ABHD2: variants seen among roughly 807,000 people sequenced by gnomAD.
The protein encoded by ABHD2 is abhydrolase domain containing 2, acylglycerol lipase, also known as monoacylglycerol lipase ABHD2.
ABHD2 carries 20 observed loss-of-function variants against 48.1 expected under a neutral mutation model. That is an observed-to-expected ratio of 0.42 (90% CI 0.29 to 0.60). The LOEUF is 0.60. Among genes scored for constraint, ABHD2 ranks in the 20% least tolerant of loss-of-function variants. ABHD2 has a pLI of 0.24. For synonymous variants in ABHD2, 209 were observed against 214.2 expected (o/e 0.98, Z 0.21); for missense variants, 405 against 550.9 (o/e 0.74, Z 2.65).
intron 10 of ABHD2, among the ~76,000 whole-genome samples, chr15:89,193,827 A>G (rs957679255): frequency 1.3e-5 from 2 of 151,708 alleles, no homozygotes; most frequent in African/African-American, 4.8e-5. Context: ...AGGCTGAGGC[A>G]GGAGAATGGC....
At chr15:89,069,319 G>T in the ABHD2 span, among the ~76,000 whole-genome samples, 1 of 151,552 alleles carries the variant, frequency 6.6e-6, no homozygotes, top group Non-Finnish European at 1.5e-5. Flanking sequence ...TTAAAGATGA[G>T]GTCTCACTAT....
intron 5 of ABHD2, among the ~76,000 whole-genome samples, chr15:89,163,210 A>G (rs1203712890): frequency 6.6e-6 from 1 of 152,236 alleles, no homozygotes; most frequent in Non-Finnish European, 1.5e-5. Context: ...TGAGAAAATT[A>G]TAAAGGATCT....
At chr15:89,150,257 T>C (rs565168656) in intron 3 of ABHD2, among the ~76,000 whole-genome samples, 7 of 152,372 alleles carry the variant, frequency 4.6e-5, no homozygotes, top group African/African-American at 1.4e-4. Context: ...GCTTAATTTC[T>C]TGGATAGTCC....
chr15:89,041,324 C>T, the ABHD2 span: 1 of 152,144 alleles, frequency 6.6e-6, no homozygotes, highest in Non-Finnish European at 1.5e-5. Context: ...TTTTAAGCCA[C>T]GAAGTTTAGA....
chr15:89,169,394 T>G (rs540908928), intron 5 of ABHD2, among the ~76,000 whole-genome samples: 19 of 152,348 alleles, frequency 1.2e-4, no homozygotes, highest in African/African-American at 4.6e-4. Context: ...GTACATCTGT[T>G]GTTTCATCCA....
intron 6 of ABHD2, among the ~76,000 whole-genome samples, chr15:89,180,709 C>T (rs1254695156): frequency 6.6e-6 from 1 of 152,180 alleles, no homozygotes; most frequent in African/African-American, 2.4e-5. Flanking sequence ...CTTGGCCAGC[C>T]TGCCTAGGAT....
upstream of ABHD2, among the ~76,000 whole-genome samples, chr15:89,084,217 A>AC (rs1379530305): frequency 6.6e-6 from 1 of 151,314 alleles, no homozygotes; most frequent in Non-Finnish European, 1.5e-5. This position sits in a 1 kb window ranked among gnomAD's most constrained non-coding sequence, Gnocchi z 4.4. Context: ...TGTAAAAAAA[A>AC]AAAAAAAAAA....
intron 1 of ABHD2, among the ~76,000 whole-genome samples, chr15:89,107,880 C>A (rs1344922897): frequency 6.6e-6 from 1 of 152,218 alleles, no homozygotes; most frequent in Non-Finnish European, 1.5e-5. Flanking sequence ...TCCCCCTCCC[C>A]CAGCTGTCTG....
At chr15:89,122,721 C>T (rs2050071350) in intron 3 of ABHD2, among the ~76,000 whole-genome samples, 1 of 152,254 alleles carries the variant, frequency 6.6e-6, no homozygotes, top group Non-Finnish European at 1.5e-5. Context: ...TAGAGACAGG[C>T]AGCAGGTGCC....
the ABHD2 span, among the ~76,000 whole-genome samples, chr15:89,056,459 G>A: frequency 4.9e-4 from 74 of 152,058 alleles, no homozygotes; most frequent in East Asian, 1.7e-3. Context: ...TGGCTAACAC[G>A]GTGAAACCCC....
chr15:89,056,346 T>G, the ABHD2 span, among the ~76,000 whole-genome samples: 1 of 152,192 alleles, frequency 6.6e-6, no homozygotes, highest in Non-Finnish European at 1.5e-5. Flanking sequence ...ATTTTGCAAC[T>G]TGAATGACAC....
At chr15:89,050,198 C>G in the ABHD2 span, among the ~76,000 whole-genome samples, 1 of 152,160 alleles carries the variant, frequency 6.6e-6, no homozygotes, top group Non-Finnish European at 1.5e-5. Flanking sequence ...TGGCCTGTCT[C>G]CCTAGTAGAC....
chr15:89,164,298 C>A lies in ABHD2; in HGVS notation c.538+8764C>A, dbSNP rs1252467211. Among the ~76,000 whole-genome samples, 2 of 152,188 alleles carry A rather than the reference C, an allele frequency of 1.3e-5. No homozygotes were observed. The highest frequency in any genetic ancestry group is 3.8e-4 in the East Asian group (2 of 5,196). On this transcript the variant is annotated intron_variant, in intron 5 of 10. Transcript: ENST00000352732. The surrounding 1 kb of genome is among the most constrained non-coding windows in gnomAD (Gnocchi z 5.0). ...GTCCAAAAGGAATATTTACCAACAGCAACCTTTTCACAGACAGGGACCAGA... is the reference window on the plus strand; with the variant it reads ...GTCCAAAAGGAATATTTACCAACAGAAACCTTTTCACAGACAGGGACCAGA...
At chr15:89,084,303 C>CTATT (rs1901321432), upstream of ABHD2, among the ~76,000 whole-genome samples, 1 of 150,918 alleles carries the variant, frequency 6.6e-6, no homozygotes, top group Non-Finnish European at 1.5e-5. This position sits in a 1 kb window ranked among gnomAD's most constrained non-coding sequence, Gnocchi z 4.4. Context: ...AAACCTAAAA[C>CTATT]TATTTATTTA....
Position 89,201,708 on chromosome 15 carries a change from A to G in ABHD2, c.*6285A>G. On this transcript the variant is annotated 3_prime_UTR_variant, in exon 11 of 11. Coordinates refer to ENST00000352732, the MANE Select transcript of ABHD2 (RefSeq NM_152924.5). ...TCGCAATTTAAGATTTGTAGTGACTACATCTGTGAAGGGGCCTTTGAATTT... is the reference window on the plus strand; with the variant it reads ...TCGCAATTTAAGATTTGTAGTGACTGCATCTGTGAAGGGGCCTTTGAATTT... The G allele has an allele frequency of 6.2e-6, 10 of 1,607,726 alleles. No homozygotes were observed. The highest frequency in any genetic ancestry group is 2.2e-5 in the East Asian group (1 of 44,864).
intron 3 of ABHD2, among the ~76,000 whole-genome samples, chr15:89,135,368 G>A (rs188243822): frequency 6.6e-6 from 1 of 150,646 alleles, no homozygotes; most frequent in Non-Finnish European, 1.5e-5. Context: ...ACCAGGACAG[G>A]GATATCTAAA....
the ABHD2 span, among the ~76,000 whole-genome samples, chr15:89,064,429 C>T: frequency 7.2e-5 from 11 of 152,002 alleles, no homozygotes; most frequent in South Asian, 4.2e-4. Context: ...GGGGTTTCAC[C>T]GTGTTAGCCA....
In ABHD2 at chr15:89,195,700, T is replaced by C. The variant is rs996000153; in HGVS notation, c.*277T>C. On this transcript the variant is annotated 3_prime_UTR_variant, in exon 11 of 11. Coordinates refer to ENST00000352732, the MANE Select transcript of ABHD2 (RefSeq NM_152924.5). The surrounding 1 kb of genome is among the most constrained non-coding windows in gnomAD (Gnocchi z 5.1). ...CTGTCCAGTTTCAGCATCTGGTTGCTTTTAAGCCAAGTACATCTAGTTTCC... is the reference window on the plus strand; with the variant it reads ...CTGTCCAGTTTCAGCATCTGGTTGCCTTTAAGCCAAGTACATCTAGTTTCC... 4 of 389,218 alleles carry C rather than the reference T, an allele frequency of 1.0e-5. No individual in the cohort carries two copies. Among genetic ancestry groups the C allele is most frequent in the Non-Finnish European group, 1.9e-5 (4 of 215,734 alleles). 24.1% of individuals were successfully genotyped at this position (389,218 alleles called of 1,614,324 possible).
chr15:89,065,192 C>T, the ABHD2 span, among the ~76,000 whole-genome samples: 2 of 152,132 alleles, frequency 1.3e-5, no homozygotes, highest in Non-Finnish European at 2.9e-5. Flanking sequence ...GTGTGATTCT[C>T]CACCTCCTCC....
Sources: allele counts gnomAD v4.1 joint callset (sites outside exome capture counted in the v4.1 genomes callset), GRCh38; gene constraint gnomAD v4.1.1; non-coding constraint Gnocchi (gnomAD v3.1); transcripts MANE v1.5; gene names NCBI Gene and HGNC (gene_info 2026-07-23, HGNC 2026-07-21).